The following AHI1 variants were observed in gnomAD, a reference collection of about 807,000 sequenced individuals.
The protein encoded by AHI1 is jouberin.
A neutral mutation model predicts 149.3 loss-of-function variants in AHI1; 123 were observed. The ratio of observed to expected loss-of-function variants is 0.82; its 90% CI spans 0.71 to 0.96. The LOEUF is 0.96. AHI1 is among the 40% of genes least tolerant of loss of function. The pLI is 0.00. For synonymous variants in AHI1, 475 were observed against 459.8 expected (o/e 1.03, Z -0.42); for missense variants, 1,439 against 1,422.7 (o/e 1.01, Z -0.18).
In AHI1 at chr6:135,285,531, G is replaced by T; in HGVS notation, c.*114C>A. On this transcript the variant is annotated 3_prime_UTR_variant, in exon 29 of 29. Coordinates refer to ENST00000265602, the MANE Select transcript of AHI1 (RefSeq NM_001134831.2). ...TCATTCATAAGAACAAGAAGTAGTG[G>T]ATCCTTTCTTCCTCCTTAGTATCTG... The T allele has an allele frequency of 9.1e-7, 1 of 1,101,202 alleles. No homozygotes were observed. Among genetic ancestry groups the T allele is most frequent in the Non-Finnish European group, 1.3e-6 (1 of 740,852 alleles). 68.2% of individuals were successfully genotyped at this position (1,101,202 alleles called of 1,614,324 possible).
At chr6:135,366,769 G>T (rs1429031094) in intron 23 of AHI1, among the ~76,000 whole-genome samples, 9 of 151,626 alleles carry the variant, frequency 5.9e-5, no homozygotes, top group African/African-American at 2.2e-4. Context: ...GTATTTTTTT[G>T]TTGTTTCATT....
rs775211690 is a variant in AHI1, at chr6:135,490,607, A to G, written c.135+16T>C. The G allele has an allele frequency of 1.4e-5, 22 of 1,613,320 alleles. No homozygotes were observed. The South Asian group carries it at 2.0e-4, about 15-fold the overall frequency. ...CGCATATGTAAATCACTATTACCCA[A>G]TGATCATTTACTTACTGAGATGTTT... On this transcript the variant is annotated intron_variant, in intron 5 of 28. Transcript: ENST00000265602.
chr6:135,400,968 T>G (rs1779951485), intron 22 of AHI1, among the ~76,000 whole-genome samples: 1 of 152,212 alleles, frequency 6.6e-6, no homozygotes, highest in Non-Finnish European at 1.5e-5. Context: ...TTGTTTTTTC[T>G]TCTGGGTCCT....
chr6:135,335,190 T>G (rs1333425446), intron 24 of AHI1, among the ~76,000 whole-genome samples: 1 of 152,206 alleles, frequency 6.6e-6, no homozygotes, highest in Non-Finnish European at 1.5e-5. Flanking sequence ...CACACTGAAA[T>G]GCTCACTAGC....
intron 21 of AHI1, among the ~76,000 whole-genome samples, chr6:135,410,017 T>TAA (rs1238200907): frequency 1.3e-5 from 2 of 152,164 alleles, no homozygotes; most frequent in Non-Finnish European, 2.9e-5. Flanking sequence ...GACACCCTGT[T>TAA]AAGAGGTTTA....
At chr6:135,386,775 C>T (rs965294765) in intron 23 of AHI1, among the ~76,000 whole-genome samples, 7 of 151,906 alleles carry the variant, frequency 4.6e-5, no homozygotes, top group Non-Finnish European at 8.8e-5. Flanking sequence ...GGATTACAGG[C>T]GCCCACCACC....
In AHI1 at chr6:135,462,771, T is replaced by C. The variant is rs1304085339; in HGVS notation, c.931+354A>G. On this transcript the variant is annotated intron_variant, in intron 8 of 28. Transcript: ENST00000265602. Reference sequence around the variant, plus strand: ...CAAAAATTAGCCGGGTATGGTGGCATGCATCTGCAATCCCAGCTACTCAGG... The same window carrying C: ...CAAAAATTAGCCGGGTATGGTGGCACGCATCTGCAATCCCAGCTACTCAGG... Among the ~76,000 whole-genome samples, 5 of 151,916 alleles carry C rather than the reference T, an allele frequency of 3.3e-5. No homozygotes were observed. The East Asian group carries it at 9.7e-4, about 29-fold the overall frequency.
intron 14 of AHI1, among the ~76,000 whole-genome samples, chr6:135,441,117 G>A (rs1455133458): frequency 1.3e-5 from 2 of 150,866 alleles, no homozygotes; most frequent in Non-Finnish European, 3.0e-5. Flanking sequence ...AAAAAAGAGA[G>A]TATCAATAAA....
chr6:135,344,669 T>C (rs1434877112), intron 24 of AHI1, among the ~76,000 whole-genome samples: 1 of 138,992 alleles, frequency 7.2e-6, no homozygotes, highest in African/African-American at 2.6e-5. Context: ...TCCCTCCCTC[T>C]CTCTTCCTTC....
intron 5 of AHI1, among the ~76,000 whole-genome samples, chr6:135,477,033 T>C (rs993279587): frequency 1.3e-5 from 2 of 151,852 alleles, no homozygotes; most frequent in Non-Finnish European, 2.9e-5. Context: ...TGTCTCTTTG[T>C]CCTCTTTTTT....
intron 23 of AHI1, among the ~76,000 whole-genome samples, chr6:135,363,862 C>A (rs867100396): frequency 1.0e-5 from 1 of 98,610 alleles, no homozygotes; most frequent in Admixed American, 1.0e-4. Context: ...GCCCCTCACC[C>A]CCCGGACGGG....
chr6:135,352,720 C>T (rs1334412441), intron 24 of AHI1, among the ~76,000 whole-genome samples: 8 of 148,822 alleles, frequency 5.4e-5, no homozygotes, highest in African/African-American at 7.5e-5. Flanking sequence ...TATACACACA[C>T]ACACACACAC....
chr6:135,450,451 GA>G (rs1307349943), intron 11 of AHI1, among the ~76,000 whole-genome samples: 2 of 152,098 alleles, frequency 1.3e-5, no homozygotes, highest in Non-Finnish European at 2.9e-5. Flanking sequence ...CTTTAGGAAA[GA>G]ATGTAAAGAC....
chr6:135,404,998 T>G (rs769069990), intron 21 of AHI1, 21 bp from the exon 22 acceptor site: 1 of 1,586,888 alleles, frequency 6.3e-7, no homozygotes, highest in African/African-American at 1.3e-5. Context: ...TACAATAAAA[T>G]AAGGAAGTAT....
chr6:135,316,954 T>G (rs531616440), intron 26 of AHI1, among the ~76,000 whole-genome samples: 1 of 152,180 alleles, frequency 6.6e-6, no homozygotes, highest in Non-Finnish European at 1.5e-5. Flanking sequence ...AAATCTTTCT[T>G]ATTTATTTCA....
At chr6:135,477,974 T>G (rs945094198) in intron 5 of AHI1, among the ~76,000 whole-genome samples, 1 of 152,042 alleles carries the variant, frequency 6.6e-6, no homozygotes, top group Non-Finnish European at 1.5e-5. Flanking sequence ...ATTTTTTTTT[T>G]ATTTTTAGTA....
chr6:135,347,517 C>T (rs2128420332), intron 24 of AHI1, among the ~76,000 whole-genome samples: 1 of 152,112 alleles, frequency 6.6e-6, no homozygotes, highest in East Asian at 1.9e-4. Context: ...CTAGAAGACG[C>T]TTGAAGACCT....
intron 23 of AHI1, among the ~76,000 whole-genome samples, chr6:135,376,546 T>C (rs935133780): frequency 1.3e-5 from 2 of 152,096 alleles, no homozygotes; most frequent in Admixed American, 6.5e-5. Flanking sequence ...AGCCTGAATA[T>C]AATCAGGATG....
chr6:135,351,884 G>A (rs1792167336), intron 24 of AHI1, among the ~76,000 whole-genome samples: 1 of 152,142 alleles, frequency 6.6e-6, no homozygotes, highest in African/African-American at 2.4e-5. Context: ...TGGGGCCTTT[G>A]GATATCCATT....
Sources: allele counts gnomAD v4.1 joint callset (sites outside exome capture counted in the v4.1 genomes callset), GRCh38; gene constraint gnomAD v4.1.1; transcripts MANE v1.5; gene names NCBI Gene and HGNC (gene_info 2026-07-23, HGNC 2026-07-21).